The following ERO1B variants were observed in gnomAD, a reference collection of about 807,000 sequenced individuals.
The protein encoded by ERO1B is ERO1-like protein beta.
A neutral mutation model predicts 75.3 loss-of-function variants in ERO1B; 49 were observed. The ratio of observed to expected loss-of-function variants is 0.65; its 90% CI spans 0.52 to 0.83. The LOEUF (loss-of-function observed/expected upper bound fraction) is 0.83, where lower values mean the gene tolerates loss of function less well. Ranked by LOEUF, ERO1B falls within the 40% of genes least tolerant of loss-of-function variation. The pLI, the probability that ERO1B is intolerant of heterozygous loss-of-function variation, is 0.00. For synonymous variants in ERO1B, 191 were observed against 192.9 expected, an observed-to-expected ratio of 0.99 and a Z score of 0.08; for missense variants, 512 against 560.1, an observed-to-expected ratio of 0.91 and a Z score of 0.87.
chr1:236,235,826 A>T lies in ERO1B; in HGVS notation c.636T>A (p.Ser212=). The T allele has an allele frequency of 6.2e-7, 1 of 1,612,938 alleles. No homozygotes were observed. The change falls in exon 8 of 16, where the codon TCT becomes TCA. Residue 212 remains serine, a synonymous_variant. Transcript: ENST00000354619. ...IYEENCFKPR[S]VYRPLNPLAP... ...CCAGAGGATTTAAAGGACGATAAAC[A>T]GATCGAGGCCTGAAAAAGAAAGCAT...
rs529430785 is a variant in ERO1B at position 236,279,994 on chromosome 1, A to C, written c.102+1688T>G. Among the ~76,000 whole-genome samples the C allele has an allele frequency of 2.6e-5, 4 of 152,288 alleles. No individual in the cohort carries two copies. In the South Asian group the frequency reaches 8.3e-4, roughly 32 times the overall value. On this transcript the variant is annotated intron_variant, in intron 1 of 15. Transcript: ENST00000354619. ...TATTCATTTGGATATAATGAAATTA[A>C]AAGTACAGGGGCAGGCCAGGTACAG...
chr1:236,225,654 G>T (rs1157312036), intron 12 of ERO1B, among the ~76,000 whole-genome samples: 1 of 152,156 alleles, frequency 6.6e-6, no homozygotes, highest in African/African-American at 2.4e-5. Context: ...GTGACTAGAG[G>T]CCAGGCGCGA....
chr1:236,229,601 T>TA (rs1664353500), intron 10 of ERO1B, among the ~76,000 whole-genome samples: 1 of 152,158 alleles, frequency 6.6e-6, no homozygotes, highest in Non-Finnish European at 1.5e-5. Flanking sequence ...TTTCATATAC[T>TA]AATGGCAATT....
At chr1:236,280,013 G>C (rs1419847201) in intron 1 of ERO1B, among the ~76,000 whole-genome samples, 2 of 152,284 alleles carry the variant, frequency 1.3e-5, no homozygotes, top group East Asian at 3.9e-4. Flanking sequence ...GGGCAGGCCA[G>C]GTACAGTGGC....
chr1:236,269,179 G>T (rs1206989452), intron 2 of ERO1B, among the ~76,000 whole-genome samples: 1 of 152,188 alleles, frequency 6.6e-6, no homozygotes, highest in Non-Finnish European at 1.5e-5. Context: ...AGGTTGCAGT[G>T]AGCTGAGATT....
At chr1:236,269,844 A>C in intron 2 of ERO1B, 31 bp downstream of exon 2, 1 of 1,537,770 alleles carries the variant, frequency 6.5e-7, no homozygotes, top group Non-Finnish European at 9.0e-7. Context: ...AATACCTTTG[A>C]TATCAACAGA....
Position 236,235,883 on chromosome 1 carries a change from T to C in ERO1B, c.627-48A>G, listed in dbSNP as rs766797359. The C allele has an allele frequency of 3.2e-5, 48 of 1,513,572 alleles. 1 individual carries two copies. Among genetic ancestry groups the C allele is most frequent in the Admixed American group, 3.0e-4 (16 of 53,134 alleles). The allele number at this position is 1,513,572 out of a possible 1,614,324, so 93.8% of individuals were successfully genotyped here. On this transcript the variant is annotated intron_variant, in intron 7 of 15. Transcript: ENST00000354619. ...CAAACATAGAATGTTTTAACTTTTA[T>C]AGTGTATAATTTTATTCCAATAGAA...
intron 5 of ERO1B, among the ~76,000 whole-genome samples, chr1:236,243,801 C>A (rs1183779297): frequency 6.6e-6 from 1 of 152,088 alleles, no homozygotes; most frequent in Non-Finnish European, 1.5e-5. Flanking sequence ...ACACAAAACT[C>A]AAGCTAAACT....
At chr1:236,239,795 A>ATATATATATGTGTT in intron 6 of ERO1B, among the ~76,000 whole-genome samples, 1 of 87,870 alleles carries the variant, frequency 1.1e-5, no homozygotes, top group South Asian at 4.2e-4. Context: ...TCAAGTATAT[A>ATATATATATGTGTT]TATATATATA....
At chr1:236,249,174 C>G (rs879766152) in intron 5 of ERO1B, among the ~76,000 whole-genome samples, 1 of 152,002 alleles carries the variant, frequency 6.6e-6, no homozygotes, top group African/African-American at 2.4e-5. Flanking sequence ...TATAGGCACC[C>G]GCCACCACAC....
intron 6 of ERO1B, among the ~76,000 whole-genome samples, chr1:236,241,530 G>C (rs1664701453): frequency 1.3e-5 from 2 of 149,118 alleles, no homozygotes; most frequent in East Asian, 4.3e-4. Context: ...GCAACAGAGT[G>C]AGACTCCATC....
intron 10 of ERO1B, among the ~76,000 whole-genome samples, chr1:236,229,289 G>A (rs1664345476): frequency 1.3e-5 from 2 of 152,080 alleles, no homozygotes; most frequent in South Asian, 4.1e-4. Context: ...GCTGGGTGTG[G>A]TGGCGGGTGC....
chr1:236,266,602 T>A (rs1197107476), intron 2 of ERO1B, among the ~76,000 whole-genome samples: 3 of 149,434 alleles, frequency 2.0e-5, no homozygotes, highest in African/African-American at 7.4e-5. Context: ...AGACTCTGTC[T>A]CAAAAAAAAA....
Position 236,226,561 on chromosome 1 carries a change from T to A in ERO1B, c.806-46A>T, listed in dbSNP as rs767205158. On this transcript the variant is annotated intron_variant, in intron 11 of 15. Transcript: ENST00000354619. ...ATTACATTGTTTTAGTAAACAGGAT[T>A]TTTTTTCTGCTCTAAAGAATATGTA... 3.8e-6 allele frequency: 6 copies of A among 1,576,826 alleles called. No individual in the cohort carries two copies. The African/African-American group carries it at 9.1e-5, about 24-fold the overall frequency.
chr1:236,261,213 A>C (rs1012999614), intron 2 of ERO1B, among the ~76,000 whole-genome samples: 1 of 152,212 alleles, frequency 6.6e-6, no homozygotes, highest in African/African-American at 2.4e-5. Flanking sequence ...TCAGTGGTGA[A>C]AACTGAAAAG....
intron 6 of ERO1B, among the ~76,000 whole-genome samples, chr1:236,241,630 C>G (rs1344967090): frequency 6.6e-6 from 1 of 151,864 alleles, no homozygotes; most frequent in Admixed American, 6.6e-5. Context: ...TCATGGTAAA[C>G]CAATTAGTAG....
rs1267469810 is a variant in ERO1B at position 236,281,934 on chromosome 1, T to C, written c.-151A>G. ...TCCAGTCCGGAGGCAGGCGACTCTT[T>C]CCCCAACACCCGGCAGCTGCGAGTG... On this transcript the variant is annotated 5_prime_UTR_variant, in exon 1 of 16. Coordinates refer to ENST00000354619, the MANE Select transcript of ERO1B (RefSeq NM_019891.4). The C allele has an allele frequency of 6.8e-6, 3 of 443,912 alleles. No homozygotes were observed. The highest frequency in any genetic ancestry group is 3.6e-5 in the East Asian group (1 of 28,086). The allele number at this position is 443,912 out of a possible 1,614,324, so 27.5% of individuals were successfully genotyped here. A position where few individuals can be genotyped will look rare whatever the true frequency, so the allele number is the denominator to read the frequency against.
chr1:236,252,204 G>A, intron 3 of ERO1B, 113 bp from the exon 4 acceptor site: 4 of 688,770 alleles, frequency 5.8e-6, no homozygotes, highest in South Asian at 3.5e-5. Context: ...TACTCTATGA[G>A]GGGCAAATAT....
intron 10 of ERO1B, among the ~76,000 whole-genome samples, chr1:236,230,004 A>G (rs1240383687): frequency 6.6e-6 from 1 of 152,178 alleles, no homozygotes; most frequent in Non-Finnish European, 1.5e-5. Context: ...TGATGACAGT[A>G]TTTGGCCTGT....
Sources: allele counts gnomAD v4.1 joint callset (sites outside exome capture counted in the v4.1 genomes callset), GRCh38; gene constraint gnomAD v4.1.1; transcripts MANE v1.5; gene names NCBI Gene and HGNC (gene_info 2026-07-23, HGNC 2026-07-21).